The following GALNT17 variants were observed in gnomAD, a reference collection of about 807,000 sequenced individuals.
The protein encoded by GALNT17 is polypeptide N-acetylgalactosaminyltransferase 17.
A neutral mutation model predicts 63.7 loss-of-function variants in GALNT17; 29 were observed. That is an observed-to-expected ratio of 0.46 (90% CI 0.34 to 0.62). The LOEUF is 0.62. GALNT17 is among the 20% of genes least tolerant of loss of function. The probability of loss-of-function intolerance (pLI) is 0.01; values close to 1 mark genes in which losing one functional copy is unlikely to be tolerated. For missense variants in GALNT17, 603 were observed against 799.6 expected (o/e 0.75, Z 2.97); for synonymous variants, 305 against 318.3 (o/e 0.96, Z 0.45).
chr7:71,626,634 C>T (rs1045072559), intron 6 of GALNT17, among the ~76,000 whole-genome samples: 11 of 152,330 alleles, frequency 7.2e-5, no homozygotes, highest in Middle Eastern at 6.8e-3. Context: ...ACCATCTGGA[C>T]AGCTCAGGAG....
intron 2 of GALNT17, among the ~76,000 whole-genome samples, chr7:71,371,869 C>G (rs1222109778): frequency 6.6e-6 from 1 of 152,170 alleles, no homozygotes; most frequent in Admixed American, 6.5e-5. Flanking sequence ...GTGGTACCTT[C>G]TAGGTATTTA....
At chr7:71,453,108 A>T (rs974893513) in intron 5 of GALNT17, among the ~76,000 whole-genome samples, 1 of 152,214 alleles carries the variant, frequency 6.6e-6, no homozygotes, top group Non-Finnish European at 1.5e-5. Flanking sequence ...CCAGGGCATA[A>T]GTACCCTGCC....
At chr7:71,202,808 A>G (rs1309600157) in intron 1 of GALNT17, among the ~76,000 whole-genome samples, 2 of 152,144 alleles carry the variant, frequency 1.3e-5, no homozygotes, top group African/African-American at 4.8e-5. Context: ...ACACCATTCT[A>G]TTCTCTGCTT....
At chr7:71,666,621 C>T (rs954061233) in intron 7 of GALNT17, among the ~76,000 whole-genome samples, 3 of 152,004 alleles carry the variant, frequency 2.0e-5, no homozygotes, top group African/African-American at 7.2e-5. Context: ...ATCCTCATAG[C>T]TTAGCTCCCA....
At chr7:71,244,879 G>C (rs1404393681) in intron 1 of GALNT17, among the ~76,000 whole-genome samples, 1 of 151,886 alleles carries the variant, frequency 6.6e-6, no homozygotes, top group Non-Finnish European at 1.5e-5. Context: ...GAGCCCAGGG[G>C]TTCAAGGCTG....
chr7:71,517,786 A>G (rs1035908606), intron 5 of GALNT17, among the ~76,000 whole-genome samples: 2 of 152,204 alleles, frequency 1.3e-5, no homozygotes, highest in Admixed American at 1.3e-4. Context: ...CTTACACACT[A>G]CAGTAGGGAG....
At chr7:71,434,556 T>A (rs1786924981) in intron 5 of GALNT17, among the ~76,000 whole-genome samples, 1 of 152,232 alleles carries the variant, frequency 6.6e-6, no homozygotes, top group East Asian at 1.9e-4. Context: ...ATAGACATTC[T>A]CCACCTTTCT....
At chr7:71,140,826 A>G (rs1290405389) in intron 1 of GALNT17, among the ~76,000 whole-genome samples, 1 of 149,384 alleles carries the variant, frequency 6.7e-6, no homozygotes, top group East Asian at 2.0e-4. Context: ...GTTTGAGACT[A>G]GCTTGGGCAA....
chr7:71,217,916 A>G (rs1479947971), intron 1 of GALNT17, among the ~76,000 whole-genome samples: 3 of 144,644 alleles, frequency 2.1e-5, no homozygotes. Flanking sequence ...TGACAGAGCT[A>G]GACTCCGTCT....
chr7:71,157,402 A>T (rs1208850250), intron 1 of GALNT17, among the ~76,000 whole-genome samples: 1 of 151,914 alleles, frequency 6.6e-6, no homozygotes, highest in Non-Finnish European at 1.5e-5. Context: ...TCATGCCTGT[A>T]ATCCCAGCAC....
chr7:71,207,600 C>T (rs1244894514), intron 1 of GALNT17, among the ~76,000 whole-genome samples: 2 of 152,092 alleles, frequency 1.3e-5, no homozygotes, highest in African/African-American at 2.4e-5. Flanking sequence ...ACACGTCATG[C>T]CACGTGGACT....
intron 1 of GALNT17, among the ~76,000 whole-genome samples, chr7:71,299,635 G>T (rs923510174): frequency 6.8e-6 from 1 of 146,548 alleles, no homozygotes; most frequent in African/African-American, 2.8e-5. Context: ...CCACTGTAGC[G>T]CTGGAATCAA....
At chr7:71,432,945 A>G (rs995661507) in intron 5 of GALNT17, among the ~76,000 whole-genome samples, 3 of 152,154 alleles carry the variant, frequency 2.0e-5, no homozygotes, top group Non-Finnish European at 4.4e-5. Flanking sequence ...GAGTAGCTGG[A>G]ATAACAGGCA....
rs754299941 is a variant in GALNT17, at chr7:71,433,548, C to T, written c.962+12443C>T. ...TTCTTTCTCAGAAGCTGATGGCTAT[C>T]GGATGACCAGTCCTTCAACAAGATG... On this transcript the variant is annotated intron_variant, in intron 5 of 10. Transcript: ENST00000333538. 7.9e-5 allele frequency among the ~76,000 whole-genome samples: 12 copies of T among 152,212 alleles called. 1 individual carries two copies. Among genetic ancestry groups the T allele is most frequent in the East Asian group, 1.9e-4 (1 of 5,196 alleles).
chr7:71,468,610 T>C (rs532188056), intron 5 of GALNT17, among the ~76,000 whole-genome samples: 1 of 151,936 alleles, frequency 6.6e-6, no homozygotes, highest in African/African-American at 2.4e-5. Context: ...AGAGCCATAG[T>C]TTCACCATGT....
chr7:71,555,514 A>G (rs1471630049), intron 5 of GALNT17, among the ~76,000 whole-genome samples: 1 of 150,588 alleles, frequency 6.6e-6, no homozygotes, highest in East Asian at 2.0e-4. Context: ...CATGACCCAA[A>G]CAGGTCCCAT....
At chr7:71,253,048 A>T (rs1165383113) in intron 1 of GALNT17, among the ~76,000 whole-genome samples, 1 of 152,182 alleles carries the variant, frequency 6.6e-6, no homozygotes, top group Non-Finnish European at 1.5e-5. Context: ...GACAACTTGA[A>T]ATTGACTATT....
At chr7:71,665,993 A>G (rs1002600078) in intron 7 of GALNT17, among the ~76,000 whole-genome samples, 4 of 152,202 alleles carry the variant, frequency 2.6e-5, no homozygotes, top group Non-Finnish European at 4.4e-5. Context: ...CCTTTACTCT[A>G]TGCCAAATCC....
chr7:71,670,256 T>TG, intron 8 of GALNT17, 147 bp downstream of exon 8: 1 of 1,082,078 alleles, frequency 9.2e-7, no homozygotes, highest in South Asian at 1.4e-5. Flanking sequence ...TCTCTCTAGC[T>TG]GGGGGGTTGG....
Sources: gnomAD v4.1 joint callset for allele counts (sites outside exome capture counted in the v4.1 genomes callset) on GRCh38, gnomAD v4.1.1 for gene constraint, MANE v1.5 for transcripts, NCBI Gene and HGNC (gene_info 2026-07-23, HGNC 2026-07-21) for gene names.